KANK1: variants seen among roughly 807,000 people sequenced by gnomAD.
KANK1 encodes KN motif and ankyrin repeat domains 1.
In KANK1, 109 loss-of-function variants were observed where a neutral mutation model predicts 106.2. The observed-to-expected ratio is 1.03, with a 90% CI of 0.88 to 1.20. KANK1 has a LOEUF of 1.20. Ranked by LOEUF, KANK1 falls within the 50% of genes most tolerant of loss-of-function variation. The pLI, the probability that KANK1 is intolerant of heterozygous loss-of-function variation, is 0.00. For missense variants in KANK1, 2,399 were observed against 1,710.7 expected (o/e 1.40, Z -7.10); for synonymous variants, 873 against 652.2 (o/e 1.34, Z -5.16).
At chr9:608,497 G>T (rs16924559) in intron 1 of KANK1, among the ~76,000 whole-genome samples, 38,954 of 151,558 alleles carry the variant, frequency 0.26, 5,434 homozygotes, top group Admixed American at 0.34. Flanking sequence ...AAAGATCATT[G>T]TTTCAGAGCA....
intron 1 of KANK1, among the ~76,000 whole-genome samples, chr9:670,449 G>A (rs1845616432): frequency 6.6e-6 from 1 of 152,058 alleles, no homozygotes; most frequent in Non-Finnish European, 1.5e-5. Flanking sequence ...GCACTAAATG[G>A]TACTTAAAAC....
intron 2 of KANK1, among the ~76,000 whole-genome samples, chr9:695,084 A>G (rs1295240575): frequency 6.6e-6 from 1 of 152,162 alleles, no homozygotes; most frequent in Non-Finnish European, 1.5e-5. Flanking sequence ...TCTCTTGCCC[A>G]TGGCTCGTGC....
chr9:602,293 C>G (rs1381638158), intron 1 of KANK1, among the ~76,000 whole-genome samples: 5 of 151,754 alleles, frequency 3.3e-5, no homozygotes, highest in African/African-American at 1.2e-4. Context: ...CGGAGTCTCG[C>G]TCTGTTGCCA....
chr9:658,334 A>G (rs1376027241), intron 1 of KANK1, among the ~76,000 whole-genome samples: 1 of 152,098 alleles, frequency 6.6e-6, no homozygotes, highest in Admixed American at 6.5e-5. Context: ...ACTATGACCA[A>G]CAGGACTAAG....
chr9:636,320 A>G (rs1051155468), intron 1 of KANK1, among the ~76,000 whole-genome samples: 7 of 152,168 alleles, frequency 4.6e-5, no homozygotes, highest in African/African-American at 9.7e-5. Context: ...CTGCTGCCAT[A>G]TATTACTGCT....
chr9:516,453 CT>C lies in KANK1; in HGVS notation c.-84+11705del, dbSNP rs1159973983. Among the ~76,000 whole-genome samples the C allele has an allele frequency of 9.2e-5, 14 of 151,490 alleles. 1 individual carries two copies. Among genetic ancestry groups the C allele is most frequent in the Admixed American group, 9.2e-4 (14 of 15,210 alleles). On this transcript the variant is annotated intron_variant, in intron 1 of 11. Coordinates refer to ENST00000382297, the MANE Select transcript of KANK1 (RefSeq NM_015158.5). Reference sequence around the variant, plus strand: ...TGATGAAAGTTGTATATTATTTTTCCTTTTTTGAAGTTTAGGGAATTCAGGG... The same window carrying C: ...TGATGAAAGTTGTATATTATTTTTCCTTTTTGAAGTTTAGGGAATTCAGGG...
chr9:611,866 A>C (rs766115885), intron 1 of KANK1, among the ~76,000 whole-genome samples: 2 of 152,014 alleles, frequency 1.3e-5, no homozygotes, highest in Non-Finnish European at 2.9e-5. Context: ...TTACAGGCGC[A>C]TGCCACCACA....
intron 1 of KANK1, among the ~76,000 whole-genome samples, chr9:674,993 C>T (rs1359042192): frequency 2.0e-5 from 3 of 150,056 alleles, no homozygotes; most frequent in African/African-American, 7.4e-5. Context: ...GTGTGAGCCA[C>T]CGCACCTGGC....
chr9:592,215 C>G (rs541121027), intron 1 of KANK1, among the ~76,000 whole-genome samples: 2 of 151,802 alleles, frequency 1.3e-5, no homozygotes, highest in Admixed American at 1.3e-4. Context: ...AGCCTGAGAG[C>G]AAAGGTTAGA....
intron 1 of KANK1, among the ~76,000 whole-genome samples, chr9:570,217 A>G (rs1351470945): frequency 1.3e-5 from 2 of 152,166 alleles, no homozygotes; most frequent in African/African-American, 4.8e-5. Flanking sequence ...TGGGGACAAA[A>G]TGTTTTTGTG....
intron 3 of KANK1, among the ~76,000 whole-genome samples, chr9:727,757 A>T (rs1024592344): frequency 6.6e-6 from 1 of 151,682 alleles, no homozygotes; most frequent in Admixed American, 6.6e-5. Flanking sequence ...GGATCACACA[A>T]TACATGGAAT....
At chr9:624,669 C>G (rs1196131453) in intron 1 of KANK1, among the ~76,000 whole-genome samples, 2 of 151,928 alleles carry the variant, frequency 1.3e-5, no homozygotes, top group Non-Finnish European at 2.9e-5. Flanking sequence ...CGGGCGTAGT[C>G]ATTCCTGTAG....
chr9:528,137 G>C (rs899758680), intron 1 of KANK1, among the ~76,000 whole-genome samples: 1 of 148,404 alleles, frequency 6.7e-6, no homozygotes, highest in Non-Finnish European at 1.5e-5. Context: ...ACTCCGTCTC[G>C]GGAAAAAAAA....
chr9:629,794 T>C (rs1051032442), intron 1 of KANK1, among the ~76,000 whole-genome samples: 9 of 152,204 alleles, frequency 5.9e-5, no homozygotes, highest in Non-Finnish European at 1.0e-4. Context: ...ATTAGACGAA[T>C]GGGCACCCCA....
At chr9:652,710 A>G (rs1177383265) in intron 1 of KANK1, among the ~76,000 whole-genome samples, 2 of 152,264 alleles carry the variant, frequency 1.3e-5, no homozygotes, top group African/African-American at 4.8e-5. Context: ...GGAAGAATGT[A>G]TAGGTACATA....
chr9:691,344 T>C (rs1175947185), intron 2 of KANK1, among the ~76,000 whole-genome samples: 4 of 151,934 alleles, frequency 2.6e-5, no homozygotes, highest in African/African-American at 4.8e-5. Flanking sequence ...TTCAGTACTT[T>C]ATTCGTTTAA....
chr9:530,051 T>G lies in KANK1; in HGVS notation c.-84+25297T>G, dbSNP rs139171097. On this transcript the variant is annotated intron_variant, in intron 1 of 11. Transcript: ENST00000382297. ...GGAGAATGAGCATATTTTCATAAAT[T>G]TATAAGAGCTGTTTGTATTTGTGTT... Among the ~76,000 whole-genome samples the G allele has an allele frequency of 1.4e-3, 216 of 152,344 alleles. 1 individual carries two copies. The highest frequency in any genetic ancestry group is 5.0e-3 in the African/African-American group (210 of 41,590).
chr9:644,440 G>T lies in KANK1; in HGVS notation c.-83-32450G>T, dbSNP rs557055316. 4.0e-5 allele frequency among the ~76,000 whole-genome samples: 6 copies of T among 151,044 alleles called. No homozygotes were observed. The South Asian group carries it at 8.3e-4, about 21-fold the overall frequency. On this transcript the variant is annotated intron_variant, in intron 1 of 11. Coordinates refer to ENST00000382297, the MANE Select transcript of KANK1 (RefSeq NM_015158.5). ...AGGGGTTTAATTGGCTCAGGGTTCCGCAGGCCAGGAAGCATGGTGGCTTCT... is the reference window on the plus strand; with the variant it reads ...AGGGGTTTAATTGGCTCAGGGTTCCTCAGGCCAGGAAGCATGGTGGCTTCT...
At chr9:536,628 C>A (rs1490448478) in intron 1 of KANK1, among the ~76,000 whole-genome samples, 1 of 152,118 alleles carries the variant, frequency 6.6e-6, no homozygotes, top group Admixed American at 6.6e-5. Context: ...CTGTCTCTGA[C>A]CACAGAAATA....
Sources: gnomAD v4.1 joint callset for allele counts (sites outside exome capture counted in the v4.1 genomes callset) on GRCh38, gnomAD v4.1.1 for gene constraint, MANE v1.5 for transcripts, NCBI Gene and HGNC (gene_info 2026-07-23, HGNC 2026-07-21) for gene names.